ABCD3: variants seen among roughly 807,000 people sequenced by gnomAD.
The protein encoded by ABCD3 is ATP-binding cassette sub-family D member 3.
Under a neutral mutation model 105.5 loss-of-function variants are expected in ABCD3, and 41 were observed. That is an observed-to-expected ratio of 0.39 (90% CI 0.30 to 0.50). The LOEUF is 0.50. ABCD3 is among the 20% of genes least tolerant of loss of function. ABCD3 has a pLI of 0.84. For synonymous variants in ABCD3, 258 were observed against 269.0 expected (o/e 0.96, Z 0.40); for missense variants, 622 against 806.3 (o/e 0.77, Z 2.77).
At chr1:94,443,222 G>A (rs1489455154) in intron 1 of ABCD3, among the ~76,000 whole-genome samples, 2 of 152,118 alleles carry the variant, frequency 1.3e-5, no homozygotes, top group Non-Finnish European at 2.9e-5. Flanking sequence ...GATTAGTGAT[G>A]TTGAGCATTT....
the ABCD3 span, among the ~76,000 whole-genome samples, chr1:94,399,818 T>C: frequency 1.2e-4 from 19 of 152,310 alleles, no homozygotes; most frequent in Admixed American, 9.1e-4. Context: ...GAGGACTCCA[T>C]CCAGATAATA....
chr1:94,416,217 A>C (rs891961282), upstream of ABCD3, among the ~76,000 whole-genome samples: 2 of 152,138 alleles, frequency 1.3e-5, no homozygotes, highest in African/African-American at 4.8e-5. Context: ...CTAGCACTTT[A>C]TTACTGAATT....
At chr1:94,507,926 T>C (rs1329758930) in intron 21 of ABCD3, among the ~76,000 whole-genome samples, 2 of 148,640 alleles carry the variant, frequency 1.3e-5, no homozygotes, top group Non-Finnish European at 3.0e-5. Context: ...GAAAATTTTC[T>C]CCCATTTTGT....
At chr1:94,438,301 TACACAC>T (rs58959540) in intron 1 of ABCD3, among the ~76,000 whole-genome samples, 13,829 of 128,152 alleles carry the variant, frequency 0.11, 710 homozygotes, top group East Asian at 0.19. Flanking sequence ...CACACACACA[TACACAC>T]ACACACACAC....
intron 1 of ABCD3, among the ~76,000 whole-genome samples, chr1:94,431,270 C>A (rs1659668869): frequency 6.6e-6 from 1 of 151,996 alleles, no homozygotes; most frequent in Non-Finnish European, 1.5e-5. Flanking sequence ...TTCCTCTTTC[C>A]AGAATGAGGG....
intron 1 of ABCD3, among the ~76,000 whole-genome samples, chr1:94,442,061 T>G (rs1660152114): frequency 6.6e-6 from 1 of 152,180 alleles, no homozygotes; most frequent in Non-Finnish European, 1.5e-5. Flanking sequence ...AGTAACAATC[T>G]CAGATGGCTT....
chr1:94,488,902 T>G (rs1023382501), intron 13 of ABCD3, among the ~76,000 whole-genome samples: 2 of 151,762 alleles, frequency 1.3e-5, no homozygotes, highest in Non-Finnish European at 2.9e-5. Context: ...CCTGCCCCCC[T>G]TTCTTTCTCT....
chr1:94,430,603 A>T (rs896512739), intron 1 of ABCD3, among the ~76,000 whole-genome samples: 31 of 151,794 alleles, frequency 2.0e-4, no homozygotes, highest in African/African-American at 7.5e-4. Flanking sequence ...GGTGTGACTT[A>T]CTCCTCCTTG....
chr1:94,448,838 G>A (rs533983442), intron 1 of ABCD3, among the ~76,000 whole-genome samples: 1 of 152,288 alleles, frequency 6.6e-6, no homozygotes, highest in Admixed American at 6.5e-5. Flanking sequence ...AAGCCATAGT[G>A]GAAAAAATGA....
At chr1:94,445,222 A>G (rs766723813) in intron 1 of ABCD3, among the ~76,000 whole-genome samples, 33 of 152,066 alleles carry the variant, frequency 2.2e-4, no homozygotes, top group Non-Finnish European at 3.7e-4. Context: ...TCCACACTCT[A>G]TATTTCTGTG....
intron 3 of ABCD3, 44 bp from the exon 4 acceptor site, chr1:94,467,875 T>A: frequency 7.1e-7 from 1 of 1,412,814 alleles, no homozygotes; most frequent in Non-Finnish European, 1.0e-6. Context: ...CTTTGAACTT[T>A]CTAAAATGCA....
rs757998984 is a variant in ABCD3, at chr1:94,418,448, C to T, written c.-31C>T. 5 of 1,563,652 alleles carry T rather than the reference C, an allele frequency of 3.2e-6. No individual in the cohort carries two copies. In the South Asian group the frequency reaches 3.4e-5, roughly 11 times the overall value. ...CCGCCGCCGCCGCCGCCGCCGCGTC[C>T]CCTCGCCGGCTCGCTGGTACCGGCA... On this transcript the variant is annotated 5_prime_UTR_variant, in exon 1 of 23. Coordinates refer to ENST00000370214, the MANE Select transcript of ABCD3 (RefSeq NM_002858.4).
At chr1:94,474,924 A>T (rs1648661281) in intron 5 of ABCD3, among the ~76,000 whole-genome samples, 1 of 152,156 alleles carries the variant, frequency 6.6e-6, no homozygotes, top group South Asian at 2.1e-4. Context: ...AATTAGTGAT[A>T]TTAACATATT....
Position 94,458,655 on chromosome 1 carries a change from A to C in ABCD3, c.147+12A>C, listed in dbSNP as rs769145734. The stretch of plus-strand genomic sequence containing the variant: ...TACAGAACAATGAGGTAAAAGTTTA[A>C]ATCATCTTCTTTTTGGGATTTCATG... On this transcript the variant is annotated intron_variant, in intron 2 of 22. Coordinates refer to ENST00000370214, the MANE Select transcript of ABCD3 (RefSeq NM_002858.4). The C allele has an allele frequency of 2.5e-6, 4 of 1,608,520 alleles. No individual in the cohort carries two copies. The highest frequency in any genetic ancestry group is 3.4e-6 in the Non-Finnish European group (4 of 1,175,744).
chr1:94,411,858 C>T, the ABCD3 span, among the ~76,000 whole-genome samples: 1 of 152,076 alleles, frequency 6.6e-6, no homozygotes, highest in Non-Finnish European at 1.5e-5. Context: ...ATAGATTAAC[C>T]TCGGAAACTT....
the ABCD3 span, among the ~76,000 whole-genome samples, chr1:94,410,494 C>T: frequency 6.6e-6 from 1 of 152,114 alleles, no homozygotes; most frequent in African/African-American, 2.4e-5. Context: ...TTCTTTTTGC[C>T]TTCACTGGGG....
At chr1:94,435,057 G>C (rs1385249017) in intron 1 of ABCD3, among the ~76,000 whole-genome samples, 1 of 151,898 alleles carries the variant, frequency 6.6e-6, no homozygotes, top group Non-Finnish European at 1.5e-5. Context: ...TTTATTCCCT[G>C]AAGCAGCCAG....
intron 21 of ABCD3, among the ~76,000 whole-genome samples, chr1:94,512,014 G>C (rs1159681901): frequency 2.0e-5 from 3 of 152,172 alleles, no homozygotes; most frequent in Non-Finnish European, 4.4e-5. Context: ...TCTCCGTCCA[G>C]CTTTGTTCCG....
the ABCD3 span, among the ~76,000 whole-genome samples, chr1:94,397,652 G>A: frequency 6.6e-6 from 1 of 152,116 alleles, no homozygotes; most frequent in Admixed American, 6.6e-5. Flanking sequence ...CTTGGCTAAG[G>A]TGGTATGTGC....
Sources: gnomAD v4.1 joint callset for allele counts (sites outside exome capture counted in the v4.1 genomes callset) on GRCh38, gnomAD v4.1.1 for gene constraint, MANE v1.5 for transcripts, NCBI Gene and HGNC (gene_info 2026-07-23, HGNC 2026-07-21) for gene names.